The following SORT1 variants were observed in gnomAD, a reference collection of about 807,000 sequenced individuals.
SORT1 encodes the protein sortilin 1.
In SORT1, 39 loss-of-function variants were observed where a neutral mutation model predicts 101.7. That is an observed-to-expected ratio of 0.38 (90% CI 0.30 to 0.50). The LOEUF (loss-of-function observed/expected upper bound fraction) is 0.50, where lower values mean the gene tolerates loss of function less well. Ranked by LOEUF, SORT1 falls within the 20% of genes least tolerant of loss-of-function variation. The pLI, the probability that SORT1 is intolerant of heterozygous loss-of-function variation, is 0.90. For missense variants in SORT1, 878 were observed against 1,040.4 expected (o/e 0.84, Z 2.15); for synonymous variants, 396 against 393.7 (o/e 1.01, Z -0.07).
At chr1:109,394,119 A>G (rs886296672) in intron 1 of SORT1, among the ~76,000 whole-genome samples, 7 of 152,166 alleles carry the variant, frequency 4.6e-5, no homozygotes, top group African/African-American at 1.7e-4. Flanking sequence ...CCTTAGAACA[A>G]AATTAGGGAG....
intron 1 of SORT1, among the ~76,000 whole-genome samples, chr1:109,395,289 C>T (rs1403753152): frequency 3.9e-5 from 5 of 128,838 alleles, no homozygotes; most frequent in South Asian, 2.6e-4. Flanking sequence ...GGTGCGATCT[C>T]GGCTCGCTGC....
rs760332303 is a variant in SORT1, at chr1:109,323,038, C to G, written c.1918G>C (p.Glu640Gln). ...YEDGCILGYK[E>Q]QFLRLRKSSV... is the part of the protein sequence containing the mutation. ...GACTTGCGTAGCCGCAGAAACTGTT[C>G]TTTGTAGCCCAAAATGCAGCCATCT... Residue 640 changes from glutamate to glutamine, a missense_variant, in exon 15 of 20, where the codon GAA becomes CAA. Transcript: ENST00000256637. 2 of 1,614,186 alleles carry G rather than the reference C, an allele frequency of 1.2e-6. No homozygotes were observed. Among genetic ancestry groups the G allele is most frequent in the Admixed American group, 3.3e-5 (2 of 60,018 alleles).
intron 11 of SORT1, among the ~76,000 whole-genome samples, chr1:109,329,979 G>C (rs1648349473): frequency 6.6e-6 from 1 of 152,124 alleles, no homozygotes; most frequent in Non-Finnish European, 1.5e-5. Context: ...CTTAACAAAT[G>C]TAAGACTGAA....
intron 1 of SORT1, among the ~76,000 whole-genome samples, chr1:109,390,948 T>C (rs1049533867): frequency 2.0e-5 from 3 of 152,174 alleles, no homozygotes; most frequent in Admixed American, 1.3e-4. Context: ...TATAAGTTTC[T>C]ACATGTGAAT....
chr1:109,365,959 A>G (rs1651059452), intron 3 of SORT1, among the ~76,000 whole-genome samples: 1 of 152,248 alleles, frequency 6.6e-6, no homozygotes, highest in Non-Finnish European at 1.5e-5. Flanking sequence ...GGCCAAGAAC[A>G]GCAGTCAAAT....
intron 8 of SORT1, among the ~76,000 whole-genome samples, chr1:109,344,991 C>A (rs949753981): frequency 2.0e-5 from 3 of 152,286 alleles, no homozygotes; most frequent in Middle Eastern, 3.4e-3. Flanking sequence ...GCCACTACCC[C>A]CAGCCTTCAT....
intron 1 of SORT1, chr1:109,392,747 T>TA: frequency 1.0e-6 from 1 of 984,644 alleles, no homozygotes; most frequent in Non-Finnish European, 1.2e-6. Context: ...ATCCAATGCA[T>TA]AAGTCATTTT....
intron 6 of SORT1, among the ~76,000 whole-genome samples, chr1:109,348,186 A>C (rs966335313): frequency 6.6e-6 from 1 of 152,194 alleles, no homozygotes; most frequent in Non-Finnish European, 1.5e-5. Context: ...ACTAGGTCGG[A>C]GGTTGAATTA....
At chr1:109,320,068 G>T (rs866901748) in intron 15 of SORT1, among the ~76,000 whole-genome samples, 1 of 152,002 alleles carries the variant, frequency 6.6e-6, no homozygotes, top group East Asian at 1.9e-4. Flanking sequence ...TGCTGCCCCC[G>T]CCACTGCTTG....
chr1:109,383,968 G>A (rs1652410184), intron 1 of SORT1, among the ~76,000 whole-genome samples: 1 of 152,146 alleles, frequency 6.6e-6, no homozygotes, highest in South Asian at 2.1e-4. Flanking sequence ...AAATTGGGCA[G>A]CACAACCTGA....
intron 9 of SORT1, 52 bp from the exon 10 acceptor site, chr1:109,340,931 A>T: frequency 6.9e-7 from 1 of 1,446,222 alleles, no homozygotes; most frequent in Non-Finnish European, 9.3e-7. Flanking sequence ...AACCAAAGAG[A>T]AAAACAATAG....
chr1:109,387,090 A>G (rs2101654805), intron 1 of SORT1, among the ~76,000 whole-genome samples: 1 of 152,276 alleles, frequency 6.6e-6, no homozygotes, highest in South Asian at 2.1e-4. Context: ...CAGGAGTTCA[A>G]GACCAGCCTG....
chr1:109,350,881 T>G, intron 6 of SORT1, 48 bp downstream of exon 6: 1 of 1,239,324 alleles, frequency 8.1e-7, no homozygotes, highest in Non-Finnish European at 1.2e-6. Context: ...GGCAGCGCTA[T>G]CAGGAAGGGT....
At chr1:109,359,390 C>T (rs143044770) in intron 3 of SORT1, among the ~76,000 whole-genome samples, 12 of 152,256 alleles carry the variant, frequency 7.9e-5, no homozygotes, top group African/African-American at 9.6e-5. Context: ...ATTCAGTGTA[C>T]GGCATCCTGA....
intron 15 of SORT1, among the ~76,000 whole-genome samples, chr1:109,318,931 C>A (rs1188522567): frequency 1.3e-5 from 2 of 152,162 alleles, no homozygotes; most frequent in Non-Finnish European, 1.5e-5. Context: ...AGGCGTGAAC[C>A]ACTGTGCCTT....
At chr1:109,367,643 GA>G (rs1439433561) in intron 2 of SORT1, among the ~76,000 whole-genome samples, 162 bp from the exon 3 acceptor site, 2 of 152,206 alleles carry the variant, frequency 1.3e-5, no homozygotes, top group African/African-American at 4.8e-5. Flanking sequence ...AGAATGATGA[GA>G]AAGTCCTCAG....
rs1156280596 is a variant in SORT1 at position 109,311,414 on chromosome 1, G to GT, written c.*2628dup. ...TTAGAAATCTATTTTTTTAGAAGCTGTAACAGATTTGGGCTTTCTTACTCT... is the reference window on the plus strand; with the variant it reads ...TTAGAAATCTATTTTTTTAGAAGCTGTTAACAGATTTGGGCTTTCTTACTCT... On this transcript the variant is annotated 3_prime_UTR_variant, in exon 20 of 20. Transcript: ENST00000256637. 6.6e-6 allele frequency: 1 copy of GT among 152,236 alleles called. No individual in the cohort carries two copies. The highest frequency in any genetic ancestry group is 2.4e-5 in the African/African-American group (1 of 41,468). 9.4% of individuals were successfully genotyped at this position (152,236 alleles called of 1,614,324 possible).
At position 109,369,542 on chromosome 1, in the gene SORT1, TC is replaced by T; in HGVS notation, c.353del (p.Gly118GlufsTer8). 6.2e-7 allele frequency: 1 copy of T among 1,606,066 alleles called. No homozygotes were observed. Among genetic ancestry groups the T allele is most frequent in the Non-Finnish European group, 8.5e-7 (1 of 1,172,820 alleles). On this transcript the variant is annotated frameshift_variant, in exon 2 of 20. Transcript: ENST00000256637. LOFTEE classifies it high-confidence loss of function. The part of the protein sequence containing the change: ...LRGSVSLSWV[G>X]DSTGVILVLT... Reference sequence around the variant, plus strand: ...AAATATGACTTACCCCAGTGCTATCTCCAACCCAGGACAAGGATACTGAGCC... The same window carrying T: ...AAATATGACTTACCCCAGTGCTATCTCAACCCAGGACAAGGATACTGAGCC...
intron 1 of SORT1, among the ~76,000 whole-genome samples, chr1:109,391,886 G>T (rs556390077): frequency 2.6e-5 from 4 of 152,286 alleles, no homozygotes; most frequent in African/African-American, 9.6e-5. Context: ...TTTAAAAATA[G>T]AAGTAAAAGA....
Sources: allele counts gnomAD v4.1 joint callset (sites outside exome capture counted in the v4.1 genomes callset), GRCh38; gene constraint gnomAD v4.1.1; transcripts MANE v1.5; gene names NCBI Gene and HGNC (gene_info 2026-07-23, HGNC 2026-07-21).